Variants in F11 observed in about 807,000 individuals in gnomAD.
The protein encoded by F11 is coagulation factor XI, also known as coagualtion factor XI.
F11 carries 78 observed loss-of-function variants against 76.5 expected under a neutral mutation model. The observed-to-expected ratio is 1.02, with a 90% CI of 0.85 to 1.23. F11 has a LOEUF of 1.23. Among genes scored for constraint, F11 ranks in the 50% most tolerant of loss-of-function variants. The pLI is 0.00. For synonymous variants in F11, 278 were observed against 276.3 expected, an observed-to-expected ratio of 1.01 and a Z score of -0.06; for missense variants, 742 against 771.4, an observed-to-expected ratio of 0.96 and a Z score of 0.45.
In F11 at chr4:186,276,259, G is replaced by T; in HGVS notation, c.624G>T (p.Thr208=). 1 of 1,614,046 alleles carries T rather than the reference G, an allele frequency of 6.2e-7. No homozygotes were observed. The highest frequency in any genetic ancestry group is 8.5e-7 in the Non-Finnish European group (1 of 1,180,014). The change falls in exon 7 of 15, where the codon ACG becomes ACT. Residue 208 remains threonine (T), a synonymous_variant. Coordinates refer to ENST00000403665, the MANE Select transcript of F11 (RefSeq NM_000128.4). ...GTATTAGGGACATTTTCCCTAATAC[G>T]GTGTTTGCAGACAGCAACATCGACA... ...LACIRDIFPN[T]VFADSNIDSV... is the part of the protein sequence containing the mutation.
At position 186,288,601 on chromosome 4, in the gene F11, C is replaced by T. The variant is rs1288058491; in HGVS notation, c.1865C>T (p.Thr622Ile). 6.2e-7 allele frequency: 1 copy of T among 1,614,076 alleles called. No homozygotes were observed. Among genetic ancestry groups the T allele is most frequent in the Admixed American group, 1.7e-5 (1 of 60,010 alleles). Reference sequence around the variant, plus strand: ...TACGTGGACTGGATTCTGGAGAAAACTCAAGCAGTGTGAATGGGTTCCCAG... The same window carrying T: ...TACGTGGACTGGATTCTGGAGAAAATTCAAGCAGTGTGAATGGGTTCCCAG... ...VEYVDWILEK[T>I]QAV is the part of the protein sequence containing the mutation. Residue 622 changes from threonine to isoleucine, a missense_variant, in exon 15 of 15, where the codon ACT (threonine) becomes ATT (isoleucine). Thr to Ile is a moderately conservative substitution (Grantham distance 89, BLOSUM62 -1). Coordinates refer to ENST00000403665, the MANE Select transcript of F11 (RefSeq NM_000128.4).
intron 3 of F11, among the ~76,000 whole-genome samples, chr4:186,272,069 C>T (rs1326594318): frequency 6.6e-6 from 1 of 151,894 alleles, no homozygotes; most frequent in Admixed American, 6.6e-5. Context: ...GCTTTTCTAT[C>T]GATTATTAAT....
intron 10 of F11, among the ~76,000 whole-genome samples, chr4:186,280,887 C>T (rs1329892490): frequency 1.6e-5 from 2 of 124,792 alleles, no homozygotes; most frequent in African/African-American, 3.1e-5. Flanking sequence ...GAGACACAGT[C>T]TCACTCTGTT....
intron 5 of F11, chr4:186,275,080 A>G (rs1740261625): frequency 2.4e-6 from 1 of 410,432 alleles, no homozygotes; most frequent in South Asian, 1.7e-5. Flanking sequence ...TTGACTTGTA[A>G]GGCTTATCTT....
Position 186,289,279 on chromosome 4 carries a change from A to G in F11, c.*665A>G, listed in dbSNP as rs1167578681. On this transcript the variant is annotated 3_prime_UTR_variant, in exon 15 of 15. Transcript: ENST00000403665. ...ACCTGGAAGTGATACCTTAGGGGCA[A>G]TCTTGAAGATACACTTTCCTGAAAA... is the stretch of plus-strand genomic sequence containing the variant. Among the ~76,000 whole-genome samples, 6 of 152,200 alleles carry G rather than the reference A, an allele frequency of 3.9e-5. No individual in the cohort carries two copies. The highest frequency in any genetic ancestry group is 8.8e-5 in the Non-Finnish European group (6 of 68,038).
At chr4:186,266,645 G>T (rs1204763709) in intron 1 of F11, among the ~76,000 whole-genome samples, 1 of 152,132 alleles carries the variant, frequency 6.6e-6, no homozygotes, top group Admixed American at 6.5e-5. Flanking sequence ...TAGATTTATA[G>T]GTGACCAAGA....
At position 186,281,991 on chromosome 4, in the gene F11, A is replaced by T. The variant is rs1015711083; in HGVS notation, c.1135+1411A>T. 6 of 1,263,244 alleles carry T rather than the reference A, an allele frequency of 4.7e-6. No homozygotes were observed. The African/African-American group carries it at 9.2e-5, about 19-fold the overall frequency. 78.3% of individuals were successfully genotyped at this position (1,263,244 alleles called of 1,614,324 possible). A position where few individuals can be genotyped will look rare whatever the true frequency, so the allele number is the denominator to read the frequency against. ...ATGGCTCAAGACTTCTTAAAAAGCA[A>T]GTCAATTACGTCGTATCTCATACAT... On this transcript the variant is annotated intron_variant, in intron 10 of 14. Transcript: ENST00000403665.
downstream of F11, chr4:186,290,672 T>C (rs1741498133): frequency 6.6e-6 from 1 of 152,184 alleles, no homozygotes. Context: ...TTCTATAAGA[T>C]ATAAAATATA....
intron 5 of F11, among the ~76,000 whole-genome samples, chr4:186,275,351 C>T (rs1740282350): frequency 6.6e-6 from 1 of 152,082 alleles, no homozygotes; most frequent in African/African-American, 2.4e-5. Flanking sequence ...AAAAATTAGC[C>T]AGGCGCGGTG....
At chr4:186,276,020 A>C in intron 6 of F11, 124 bp downstream of exon 6, 1 of 951,830 alleles carries the variant, frequency 1.1e-6, no homozygotes, top group South Asian at 1.4e-5. Context: ...TACCTTCTTC[A>C]TGTGATAGAT....
At chr4:186,283,420 G>T (rs1404138618) in intron 10 of F11, among the ~76,000 whole-genome samples, 2 of 152,114 alleles carry the variant, frequency 1.3e-5, no homozygotes, top group African/African-American at 4.8e-5. Flanking sequence ...GAAACAGAGG[G>T]ATGAGCCTGA....
chr4:186,286,887 A>G (rs1471838394), intron 13 of F11, among the ~76,000 whole-genome samples: 1 of 152,228 alleles, frequency 6.6e-6, no homozygotes, highest in East Asian at 1.9e-4. Flanking sequence ...TAGTGGGAAT[A>G]ATGTCTTCTT....
chr4:186,269,568 T>A (rs1739771573), intron 2 of F11, among the ~76,000 whole-genome samples: 1 of 152,158 alleles, frequency 6.6e-6, no homozygotes, highest in Non-Finnish European at 1.5e-5. Context: ...AGACGGAAAT[T>A]AGAACAGAGG....
At chr4:186,268,160 C>T (rs995015374) in intron 2 of F11, among the ~76,000 whole-genome samples, 2 of 152,168 alleles carry the variant, frequency 1.3e-5, no homozygotes, top group African/African-American at 4.8e-5. Context: ...TATATCTGCA[C>T]TCAACATGTG....
chr4:186,287,918 T>G, intron 14 of F11, 95 bp downstream of exon 14: 2 of 1,471,494 alleles, frequency 1.4e-6, no homozygotes, highest in East Asian at 2.5e-5. Context: ...TGTTTGTTTT[T>G]TTTTGAGACA....
chr4:186,283,793 TGAC>T (rs556215298), intron 10 of F11, among the ~76,000 whole-genome samples: 119 of 152,292 alleles, frequency 7.8e-4, no homozygotes, highest in African/African-American at 2.6e-3. Context: ...AGACTGCACT[TGAC>T]AACCACTGGT....
intron 10 of F11, among the ~76,000 whole-genome samples, chr4:186,281,215 G>T (rs1183172851): frequency 6.6e-6 from 1 of 152,164 alleles, no homozygotes; most frequent in African/African-American, 2.4e-5. Context: ...ATCAAGGCCA[G>T]TAATCTTTCC....
Position 186,287,034 on chromosome 4 carries a change from C to A in F11, c.1576+524C>A, listed in dbSNP as rs538605531. On this transcript the variant is annotated intron_variant, in intron 13 of 14. Coordinates refer to ENST00000403665, the MANE Select transcript of F11 (RefSeq NM_000128.4). ...TGTCGCCCAGGCTGGAGTGCAGTGG[C>A]ACGATCTCGGCTCACTGTTACCTCC... Among the ~76,000 whole-genome samples the A allele has an allele frequency of 3.9e-5, 6 of 152,062 alleles. No individual in the cohort carries two copies. The South Asian group carries it at 1.2e-3, about 32-fold the overall frequency.
At chr4:186,284,975 G>A (rs955215328) in intron 11 of F11, among the ~76,000 whole-genome samples, 2 of 152,048 alleles carry the variant, frequency 1.3e-5, no homozygotes, top group Admixed American at 6.6e-5. Context: ...AATACAGAAC[G>A]AGTTCGGTAT....
Sources: gnomAD v4.1 joint callset for allele counts (sites outside exome capture counted in the v4.1 genomes callset) on GRCh38, gnomAD v4.1.1 for gene constraint, MANE v1.5 for transcripts, NCBI Gene and HGNC (gene_info 2026-07-23, HGNC 2026-07-21) for gene names.